The following RNGTT variants were observed in gnomAD, a reference collection of about 807,000 sequenced individuals.
RNGTT encodes RNA guanylyltransferase and 5'-phosphatase.
In RNGTT, 33 loss-of-function variants were observed where a neutral mutation model predicts 79.3. The observed-to-expected ratio is 0.42, with a 90% CI of 0.32 to 0.56. The LOEUF (loss-of-function observed/expected upper bound fraction) is 0.56. Among genes scored for constraint, RNGTT ranks in the 20% least tolerant of loss-of-function variants. The pLI is 0.17. For synonymous variants in RNGTT, 222 were observed against 235.9 expected, an observed-to-expected ratio of 0.94 and a Z score of 0.54; for missense variants, 497 against 739.1, an observed-to-expected ratio of 0.67 and a Z score of 3.80.
chr6:88,824,589 C>T (rs1780594646), intron 11 of RNGTT, among the ~76,000 whole-genome samples: 1 of 152,080 alleles, frequency 6.6e-6, no homozygotes, highest in African/African-American at 2.4e-5. Flanking sequence ...TACTCAATAA[C>T]CATGTTTGGC....
intron 15 of RNGTT, among the ~76,000 whole-genome samples, chr6:88,613,635 G>T (rs749289918): frequency 3.3e-5 from 5 of 152,124 alleles, no homozygotes; most frequent in Non-Finnish European, 5.9e-5. Context: ...TGATTAACCT[G>T]TTATCTTGGT....
chr6:88,729,630 G>C (rs746951661), intron 13 of RNGTT, among the ~76,000 whole-genome samples: 1 of 152,176 alleles, frequency 6.6e-6, no homozygotes, highest in Non-Finnish European at 1.5e-5. Context: ...TAGAGATGTT[G>C]TTAAAGAATA....
At chr6:88,787,991 T>G (rs376428632) in intron 12 of RNGTT, among the ~76,000 whole-genome samples, 3 of 152,168 alleles carry the variant, frequency 2.0e-5, no homozygotes. Context: ...GAAATAGAGA[T>G]AGAGTTTGTC....
At chr6:88,882,208 TCTG>T (rs1279861953) in intron 8 of RNGTT, among the ~76,000 whole-genome samples, 5 of 152,222 alleles carry the variant, frequency 3.3e-5, no homozygotes, top group Admixed American at 6.5e-5. Flanking sequence ...CCTAATTTAT[TCTG>T]CTATCTTGTT....
intron 11 of RNGTT, among the ~76,000 whole-genome samples, chr6:88,815,430 G>A (rs1780284182): frequency 6.6e-6 from 1 of 152,156 alleles, no homozygotes; most frequent in African/African-American, 2.4e-5. Context: ...GGTCATACCA[G>A]TGAATTATCA....
At chr6:88,853,388 C>T (rs1423955438) in intron 9 of RNGTT, among the ~76,000 whole-genome samples, 1 of 152,002 alleles carries the variant, frequency 6.6e-6, no homozygotes, top group Non-Finnish European at 1.5e-5. Flanking sequence ...GCCTGTAATC[C>T]CAGCTACTGG....
chr6:88,686,022 C>T (rs1282077623), intron 13 of RNGTT, among the ~76,000 whole-genome samples: 2 of 150,556 alleles, frequency 1.3e-5, no homozygotes, highest in Non-Finnish European at 3.0e-5. Flanking sequence ...AATATATATA[C>T]ATATGTATTC....
At chr6:88,758,601 A>T (rs978209211) in intron 13 of RNGTT, among the ~76,000 whole-genome samples, 1 of 152,184 alleles carries the variant, frequency 6.6e-6, no homozygotes, top group African/African-American at 2.4e-5. Flanking sequence ...ATGCTTCCTC[A>T]TTATCAGATT....
At chr6:88,909,706 A>G (rs1304374957) in intron 4 of RNGTT, among the ~76,000 whole-genome samples, 1 of 152,192 alleles carries the variant, frequency 6.6e-6, no homozygotes, top group African/African-American at 2.4e-5. Flanking sequence ...ACTGCTGAGG[A>G]CACAATGAAA....
At chr6:88,871,380 T>C (rs985358401) in intron 8 of RNGTT, among the ~76,000 whole-genome samples, 1 of 151,828 alleles carries the variant, frequency 6.6e-6, no homozygotes, top group Admixed American at 6.6e-5. Context: ...TATAAAGCTA[T>C]ATGGTCCTGA....
At position 88,878,076 on chromosome 6, in the gene RNGTT, G is replaced by GTTTATTTA. The variant is rs201880221; in HGVS notation, c.896+12411_896+12418dup. Among the ~76,000 whole-genome samples the GTTTATTTA allele has an allele frequency of 6.6e-3, 998 of 150,578 alleles. 20 individuals are homozygous for GTTTATTTA. The highest frequency in any genetic ancestry group is 0.021 in the African/African-American group (855 of 40,820). On this transcript the variant is annotated intron_variant, in intron 8 of 15. Transcript: ENST00000369485. Reference sequence around the variant, plus strand: ...AACTACCTTAAACCTAATTTCATTTGTTTATTTATTTATTTATTTATTTAT... The same window carrying GTTTATTTA: ...AACTACCTTAAACCTAATTTCATTTGTTTATTTATTTATTTATTTATTTATTTATTTAT...
chr6:88,673,142 G>A (rs1774721204), intron 14 of RNGTT, among the ~76,000 whole-genome samples: 1 of 152,142 alleles, frequency 6.6e-6, no homozygotes, highest in Non-Finnish European at 1.5e-5. Flanking sequence ...CCACACTGAG[G>A]AACTTAAGTC....
At position 88,767,691 on chromosome 6, in the gene RNGTT, A is replaced by T. The variant is rs3798774; in HGVS notation, c.1439+2083T>A. Reference sequence around the variant, plus strand: ...ATTCACTTGTGTCAAAAAAAAAAAAAAAAAAAAAAAAAACAGCGTAGCCCC... The same window carrying T: ...ATTCACTTGTGTCAAAAAAAAAAAATAAAAAAAAAAAAACAGCGTAGCCCC... On this transcript the variant is annotated intron_variant, in intron 13 of 15. Coordinates refer to ENST00000369485, the MANE Select transcript of RNGTT (RefSeq NM_003800.5). 7.4e-3 allele frequency among the ~76,000 whole-genome samples: 1,047 copies of T among 140,550 alleles called. 50 individuals carry two copies. The highest frequency in any genetic ancestry group is 0.062 in the Admixed American group (909 of 14,582). 92.2% of individuals were successfully genotyped at this position (140,550 alleles called of 152,430 possible). A position where few individuals can be genotyped will look rare whatever the true frequency, so the allele number is the denominator to read the frequency against.
Position 88,963,549 on chromosome 6 carries a change from G to A in RNGTT, c.-140C>T, listed in dbSNP as rs973846651. The A allele has an allele frequency of 6.8e-6, 5 of 733,460 alleles. No homozygotes were observed. The African/African-American group carries it at 9.3e-5, about 14-fold the overall frequency. 45.4% of individuals were successfully genotyped at this position (733,460 alleles called of 1,614,324 possible). ...TCTGAATTCCAACCTCTCCGATCCGGGTAACGTCAGGGGCGGCGCGCCACT... is the reference window on the plus strand; with the variant it reads ...TCTGAATTCCAACCTCTCCGATCCGAGTAACGTCAGGGGCGGCGCGCCACT... On this transcript the variant is annotated 5_prime_UTR_variant, in exon 1 of 16. Coordinates refer to ENST00000369485, the MANE Select transcript of RNGTT (RefSeq NM_003800.5).
chr6:88,676,789 T>C (rs566892898), intron 14 of RNGTT, among the ~76,000 whole-genome samples: 5 of 152,310 alleles, frequency 3.3e-5, no homozygotes, highest in South Asian at 4.1e-4. Flanking sequence ...AGAGAAGATA[T>C]GAACATCCAT....
intron 13 of RNGTT, among the ~76,000 whole-genome samples, chr6:88,692,957 A>C (rs1050016139): frequency 1.3e-5 from 2 of 152,018 alleles, no homozygotes; most frequent in Non-Finnish European, 2.9e-5. Context: ...ACAAAAAGCA[A>C]CACACCAAAA....
intron 11 of RNGTT, among the ~76,000 whole-genome samples, chr6:88,811,550 A>G (rs1190687424): frequency 6.6e-6 from 1 of 152,206 alleles, no homozygotes; most frequent in East Asian, 1.9e-4. Context: ...AAGGCTTGAC[A>G]TTAGAAACAT....
chr6:88,723,887 G>C (rs1486924549), intron 13 of RNGTT, among the ~76,000 whole-genome samples: 2 of 152,022 alleles, frequency 1.3e-5, no homozygotes, highest in African/African-American at 2.4e-5. Context: ...ACCATGCCCG[G>C]CTAATTTTTG....
chr6:88,697,800 G>A (rs1365800696), intron 13 of RNGTT, among the ~76,000 whole-genome samples: 1 of 149,848 alleles, frequency 6.7e-6, no homozygotes, highest in African/African-American at 2.5e-5. Flanking sequence ...GAGCCCAGGG[G>A]GCAGAGGTTG....
Sources: allele counts gnomAD v4.1 joint callset (sites outside exome capture counted in the v4.1 genomes callset), GRCh38; gene constraint gnomAD v4.1.1; transcripts MANE v1.5; gene names NCBI Gene and HGNC (gene_info 2026-07-23, HGNC 2026-07-21).